Variants in SPTBN4 observed in about 807,000 individuals in gnomAD.
SPTBN4 encodes the protein spectrin beta chain, non-erythrocytic 4.
In SPTBN4, 96 loss-of-function variants were observed where a neutral mutation model predicts 277.8. The ratio of observed to expected loss-of-function variants is 0.35; its 90% CI spans 0.29 to 0.41. The LOEUF (loss-of-function observed/expected upper bound fraction) is 0.41, where lower values mean the gene tolerates loss of function less well. Among genes scored for constraint, SPTBN4 ranks in the 10% least tolerant of loss-of-function variants. The pLI is 1.00. For missense variants in SPTBN4, 3,006 were observed against 3,595.7 expected, an observed-to-expected ratio of 0.84 and a Z score of 4.19; for synonymous variants, 1,481 against 1,580.3, an observed-to-expected ratio of 0.94 and a Z score of 1.49.
intron 35 of SPTBN4, among the ~76,000 whole-genome samples, chr19:40,574,135 AAAAC>A (rs2081179905): frequency 6.6e-6 from 1 of 151,928 alleles, no homozygotes; most frequent in Non-Finnish European, 1.5e-5. Flanking sequence ...AAAACAAAAC[AAAAC>A]AAAACAAAAA....
Position 40,560,757 on chromosome 19 carries a change from C to T in SPTBN4, c.5915+354C>T. Reference sequence around the variant, plus strand: ...TGAAGAATTCTAACAATTCCAGCATCTCAGTGGCTTCATTAGTGGGCATGG... The same window carrying T: ...TGAAGAATTCTAACAATTCCAGCATTTCAGTGGCTTCATTAGTGGGCATGG... On this transcript the variant is annotated intron_variant, in intron 27 of 35. Coordinates refer to ENST00000598249, the MANE Select transcript of SPTBN4 (RefSeq NM_020971.3). The surrounding 1 kb of genome is among the most constrained non-coding windows in gnomAD (Gnocchi z 5.2). 1 of 1,314,920 alleles carries T rather than the reference C, an allele frequency of 7.6e-7. No homozygotes were observed. Among genetic ancestry groups the T allele is most frequent in the South Asian group, 1.8e-5 (1 of 54,684 alleles). The allele number at this position is 1,314,920 out of a possible 1,614,324, so 81.5% of individuals were successfully genotyped here.
intron 26 of SPTBN4, among the ~76,000 whole-genome samples, chr19:40,558,515 G>A (rs1360762224): frequency 1.3e-5 from 2 of 152,216 alleles, no homozygotes; most frequent in Non-Finnish European, 2.9e-5. Flanking sequence ...TGAGCAGTCA[G>A]ATGGAAATGA....
intron 20 of SPTBN4, among the ~76,000 whole-genome samples, chr19:40,547,494 G>T (rs943742829): frequency 6.6e-6 from 1 of 152,166 alleles, no homozygotes; most frequent in Non-Finnish European, 1.5e-5. Context: ...AAACATACGT[G>T]TGCATGTGTC....
At chr19:40,503,066 A>T in intron 11 of SPTBN4, 133 bp downstream of exon 11, 2 of 1,170,332 alleles carry the variant, frequency 1.7e-6, no homozygotes, top group East Asian at 2.5e-5. Flanking sequence ...ATAAATGAGG[A>T]TGGGGATGGG....
chr19:40,470,735 C>T (rs1568749336), intron 1 of SPTBN4, among the ~76,000 whole-genome samples: 2 of 151,912 alleles, frequency 1.3e-5, no homozygotes, highest in Non-Finnish European at 2.9e-5. Flanking sequence ...TGGGTTCAAA[C>T]GATTCTCCTC....
At chr19:40,481,553 G>A (rs2080010876) in intron 2 of SPTBN4, among the ~76,000 whole-genome samples, 1 of 152,104 alleles carries the variant, frequency 6.6e-6, no homozygotes, top group Non-Finnish European at 1.5e-5. Flanking sequence ...TCTGCTCACT[G>A]CAACCCCCGC....
At chr19:40,541,188 G>A (rs1442202258) in intron 20 of SPTBN4, among the ~76,000 whole-genome samples, 1 of 152,216 alleles carries the variant, frequency 6.6e-6, no homozygotes, top group Non-Finnish European at 1.5e-5. Flanking sequence ...TTTAGCCAGA[G>A]TACAGAGTTA....
At chr19:40,572,424 G>T (rs778796153) in intron 35 of SPTBN4, 44 bp downstream of exon 35, 1 of 1,611,934 alleles carries the variant, frequency 6.2e-7, no homozygotes, top group Non-Finnish European at 8.5e-7. Context: ...CCTCAGTAAT[G>T]ACCTGGCTGT....
In SPTBN4 at chr19:40,554,619, CGCT is replaced by C; in HGVS notation, c.5062_5064del (p.Leu1688del). ...GCGCAGCTGTCGCGCCAGTGCCGGG[CGCT>C]GCTGGAGATGGGGCACCCGGACAGG... On this transcript the variant is annotated inframe_deletion, in exon 24 of 36. Transcript: ENST00000598249. The surrounding 1 kb of genome is among the most constrained non-coding windows in gnomAD (Gnocchi z 5.7). The C allele has an allele frequency of 6.3e-7, 1 of 1,577,856 alleles. No individual in the cohort carries two copies. The highest frequency in any genetic ancestry group is 8.6e-7 in the Non-Finnish European group (1 of 1,161,694).
At chr19:40,564,925 T>C (rs1481214156) in intron 27 of SPTBN4, among the ~76,000 whole-genome samples, 1 of 151,878 alleles carries the variant, frequency 6.6e-6, no homozygotes, top group Non-Finnish European at 1.5e-5. Flanking sequence ...AAAATTTGAA[T>C]CATTGAATTA....
At chr19:40,556,609 A>G (rs1012844917) in intron 25 of SPTBN4, among the ~76,000 whole-genome samples, 1 of 152,126 alleles carries the variant, frequency 6.6e-6, no homozygotes, top group Non-Finnish European at 1.5e-5. Context: ...GATGATGATT[A>G]TCATTACTCT....
chr19:40,575,664 AG>A lies in SPTBN4; in HGVS notation c.*96del, dbSNP rs2081195582. On this transcript the variant is annotated 3_prime_UTR_variant, in exon 36 of 36. Transcript: ENST00000598249. ...TTCTTCCGCAGGGGCGGGAGCCCCTAGTTCCAACACTGAGGACGCGTGACAT... is the reference window on the plus strand; with the variant it reads ...TTCTTCCGCAGGGGCGGGAGCCCCTATTCCAACACTGAGGACGCGTGACAT... 3.5e-6 allele frequency: 5 copies of A among 1,415,874 alleles called. No individual in the cohort carries two copies. The Admixed American group carries it at 1.2e-4, about 34-fold the overall frequency. 87.7% of individuals were successfully genotyped at this position (1,415,874 alleles called of 1,614,324 possible). A position where few individuals can be genotyped will look rare whatever the true frequency, so the allele number is the denominator to read the frequency against.
chr19:40,575,185 G>T (rs568942422), intron 35 of SPTBN4, among the ~76,000 whole-genome samples: 1 of 152,208 alleles, frequency 6.6e-6, no homozygotes, highest in South Asian at 2.1e-4. Flanking sequence ...TATCTCTGTA[G>T]TAGGAAGTAT....
chr19:40,528,953 A>G, intron 17 of SPTBN4, 88 bp from the exon 18 acceptor site: 1 of 976,072 alleles, frequency 1.0e-6, no homozygotes, highest in Non-Finnish European at 1.6e-6. Context: ...TTCTTCCCCT[A>G]CCCAGCCCAG....
intron 14 of SPTBN4, among the ~76,000 whole-genome samples, chr19:40,513,898 C>T (rs528349034): frequency 6.6e-6 from 1 of 152,302 alleles, no homozygotes; most frequent in Admixed American, 6.5e-5. Flanking sequence ...ATGAAATCAA[C>T]GACCTATGCT....
Position 40,504,114 on chromosome 19 carries a change from C to T in SPTBN4, c.1647C>T (p.Asp549=), listed in dbSNP as rs757860353. The T allele has an allele frequency of 1.7e-6, 2 of 1,180,426 alleles. No individual in the cohort carries two copies. Among genetic ancestry groups the T allele is most frequent in the Non-Finnish European group, 2.3e-6 (2 of 886,408 alleles). The allele number at this position is 1,180,426 out of a possible 1,614,324, so 73.1% of individuals were successfully genotyped here. ...TCCAGGAGATGGTGTACATGGTGGA[C>T]TGGATGGAGGAGATGCAGGTGCCGG... ...KVFQEMVYMV[D]WMEEMQAQLL... Residue 549 remains aspartate, a synonymous_variant, in exon 12 of 36, where the codon GAC becomes GAT. Transcript: ENST00000598249.
intron 11 of SPTBN4, 141 bp downstream of exon 11, chr19:40,503,074 G>A: frequency 9.0e-7 from 1 of 1,108,556 alleles, no homozygotes; most frequent in Non-Finnish European, 1.3e-6. Flanking sequence ...GGATGGGGAT[G>A]GGAGACTTGG....
At chr19:40,571,595 T>C (rs1165840) in intron 33 of SPTBN4, 94,683 of 157,580 alleles carry the variant, frequency 0.6, 29,513 homozygotes, top group African/African-American at 0.68. Context: ...CCTAGTATGT[T>C]TTGCTTTGGG....
At chr19:40,556,996 A>ACG (rs756181831) in intron 25 of SPTBN4, 27 bp from the exon 26 acceptor site, 25 of 1,365,074 alleles carry the variant, frequency 1.8e-5, no homozygotes, top group Non-Finnish European at 2.3e-5. Flanking sequence ...ACTTTGCTGT[A>ACG]CCCCCCCCCC....
Sources: gnomAD v4.1 joint callset for allele counts (sites outside exome capture counted in the v4.1 genomes callset) on GRCh38, gnomAD v4.1.1 for gene constraint, Gnocchi (gnomAD v3.1) non-coding constraint, MANE v1.5 for transcripts, NCBI Gene and HGNC (gene_info 2026-07-23, HGNC 2026-07-21) for gene names.